RERE: variants seen among roughly 807,000 people sequenced by gnomAD.
RERE encodes arginine-glutamic acid dipeptide repeats.
A neutral mutation model predicts 146.1 loss-of-function variants in RERE; 40 were observed. The ratio of observed to expected loss-of-function variants is 0.27; its 90% CI spans 0.21 to 0.36. The LOEUF (loss-of-function observed/expected upper bound fraction) is 0.36. Among genes scored for constraint, RERE ranks in the 10% least tolerant of loss-of-function variants. The pLI is 1.00. For synonymous variants in RERE, 1,003 were observed against 866.0 expected (o/e 1.16, Z -2.78); for missense variants, 1,933 against 2,138.7 (o/e 0.90, Z 1.90).
chr1:8,788,638 C>T (rs1641303069), intron 1 of RERE, among the ~76,000 whole-genome samples: 1 of 150,224 alleles, frequency 6.7e-6, no homozygotes, highest in African/African-American at 2.5e-5. Context: ...GCTGGGATTA[C>T]AGGCGTGAGC....
At chr1:8,517,991 G>C (rs1053457369) in intron 7 of RERE, among the ~76,000 whole-genome samples, 1 of 152,192 alleles carries the variant, frequency 6.6e-6, no homozygotes, top group Non-Finnish European at 1.5e-5. Flanking sequence ...ATGCCTGCTA[G>C]ATGCAGGATC....
At chr1:8,808,147 CA>C (rs778069782) in intron 1 of RERE, among the ~76,000 whole-genome samples, 831 of 53,172 alleles carry the variant, frequency 0.016, 2 homozygotes, top group African/African-American at 0.037. Context: ...GACCTTGTCT[CA>C]AAAAAAAAAA....
intron 12 of RERE, among the ~76,000 whole-genome samples, chr1:8,416,586 C>CAAAAAAA (rs5772324): frequency 1.9e-5 from 2 of 105,930 alleles, no homozygotes; most frequent in Admixed American, 2.1e-4. Flanking sequence ...ACTCCATCTC[C>CAAAAAAA]AAAAAAAAAA....
intron 1 of RERE, among the ~76,000 whole-genome samples, chr1:8,801,260 A>C (rs1641586554): frequency 8.6e-6 from 1 of 116,926 alleles, no homozygotes; most frequent in Non-Finnish European, 1.7e-5. Flanking sequence ...ACCCTGTCTC[A>C]AAAAAAATTG....
At chr1:8,718,561 T>C (rs1569625111) in intron 1 of RERE, among the ~76,000 whole-genome samples, 1 of 152,248 alleles carries the variant, frequency 6.6e-6, no homozygotes, top group East Asian at 1.9e-4. Context: ...TCATCAATAG[T>C]GAAGTTTAGT....
chr1:8,805,645 G>A (rs1331921814), intron 1 of RERE, among the ~76,000 whole-genome samples: 3 of 140,814 alleles, frequency 2.1e-5, no homozygotes, highest in African/African-American at 5.3e-5. Flanking sequence ...GTGAGAATCC[G>A]TCTCAAAAAA....
At chr1:8,519,382 A>C (rs1645461761) in intron 7 of RERE, among the ~76,000 whole-genome samples, 1 of 152,126 alleles carries the variant, frequency 6.6e-6, no homozygotes, top group South Asian at 2.1e-4. Context: ...GCAGTGAGCT[A>C]TGATCACACC....
At chr1:8,546,119 A>G (rs1645858645) in intron 6 of RERE, among the ~76,000 whole-genome samples, 1 of 145,754 alleles carries the variant, frequency 6.9e-6, no homozygotes, top group Admixed American at 7.2e-5. Flanking sequence ...CCTTCCCGGT[A>G]GCTGGGACTA....
chr1:8,588,042 C>T (rs143601580), intron 4 of RERE, among the ~76,000 whole-genome samples: 3 of 152,286 alleles, frequency 2.0e-5, no homozygotes, highest in Non-Finnish European at 4.4e-5. Flanking sequence ...TAAGTTCCCA[C>T]TATGTGCCAT....
chr1:8,514,310 A>G (rs1645382046), intron 7 of RERE, among the ~76,000 whole-genome samples: 1 of 152,246 alleles, frequency 6.6e-6, no homozygotes, highest in African/African-American at 2.4e-5. Context: ...ATTCCATGAA[A>G]AAAGTGGCTA....
intron 10 of RERE, among the ~76,000 whole-genome samples, chr1:8,494,699 T>TC (rs1645023836): frequency 1.3e-5 from 2 of 151,948 alleles, no homozygotes; most frequent in African/African-American, 4.8e-5. Flanking sequence ...AGAGCGAGAC[T>TC]CCATCTCAAA....
At chr1:8,556,848 GAAGA>G (rs1427516651) in intron 5 of RERE, among the ~76,000 whole-genome samples, 2 of 151,972 alleles carry the variant, frequency 1.3e-5, no homozygotes, top group African/African-American at 2.4e-5. Context: ...AATGGAAAAA[GAAGA>G]AAAACAACTA....
At chr1:8,377,774 C>T (rs1174615744) in intron 12 of RERE, among the ~76,000 whole-genome samples, 4 of 151,986 alleles carry the variant, frequency 2.6e-5, no homozygotes, top group South Asian at 4.2e-4. Context: ...ATGACGGGAG[C>T]GGGACGAACG....
chr1:8,442,293 A>C (rs538456921), intron 11 of RERE, among the ~76,000 whole-genome samples: 2 of 151,928 alleles, frequency 1.3e-5, no homozygotes, highest in South Asian at 2.1e-4. Flanking sequence ...GCTGAAGCAG[A>C]ATTGCTGGAA....
intron 1 of RERE, among the ~76,000 whole-genome samples, chr1:8,788,514 G>GCCA (rs2124570407): frequency 6.6e-6 from 1 of 152,046 alleles, no homozygotes; most frequent in Admixed American, 6.5e-5. Context: ...ACAGATGTGT[G>GCCA]CCACCACACC....
chr1:8,549,628 A>G (rs1303809813), intron 6 of RERE, among the ~76,000 whole-genome samples: 1 of 152,240 alleles, frequency 6.6e-6, no homozygotes, highest in Non-Finnish European at 1.5e-5. Context: ...GAGATAAATG[A>G]TTTGCAGAGT....
chr1:8,708,786 A>C (rs1186039964), intron 1 of RERE, among the ~76,000 whole-genome samples: 1 of 151,812 alleles, frequency 6.6e-6, no homozygotes, highest in Non-Finnish European at 1.5e-5. Flanking sequence ...AGTCTCTGGT[A>C]TGTCTTTATC....
chr1:8,758,620 T>C (rs1640694584), intron 1 of RERE, among the ~76,000 whole-genome samples: 1 of 151,746 alleles, frequency 6.6e-6, no homozygotes, highest in Non-Finnish European at 1.5e-5. Context: ...ATTCCTAGGA[T>C]CAAGGGGTCC....
chr1:8,426,298 C>CA (rs1357688493), intron 11 of RERE, among the ~76,000 whole-genome samples: 3 of 151,848 alleles, frequency 2.0e-5, no homozygotes, highest in African/African-American at 7.3e-5. Context: ...ACTAAAAATA[C>CA]AAAAAATTAG....
Sources: gnomAD v4.1 joint callset for allele counts (sites outside exome capture counted in the v4.1 genomes callset) on GRCh38, gnomAD v4.1.1 for gene constraint, MANE v1.5 for transcripts, NCBI Gene and HGNC (gene_info 2026-07-23, HGNC 2026-07-21) for gene names.